ZFR2: variants seen among roughly 807,000 people sequenced by gnomAD.
ZFR2 encodes zinc finger RNA-binding protein 2.
A neutral mutation model predicts 105.7 loss-of-function variants in ZFR2; 104 were observed. The ratio of observed to expected loss-of-function variants is 0.98; its 90% confidence interval spans 0.84 to 1.16. ZFR2 has a LOEUF of 1.16. Ranked by LOEUF, ZFR2 falls within the 50% of genes most tolerant of loss-of-function variation. The probability of loss-of-function intolerance (pLI) is 0.00; values close to 1 mark genes in which losing one functional copy is unlikely to be tolerated. For missense variants in ZFR2, 1,425 were observed against 1,355.5 expected, an observed-to-expected ratio of 1.05 and a Z score of -0.80; for synonymous variants, 634 against 597.7, an observed-to-expected ratio of 1.06 and a Z score of -0.89.
chr19:3,826,823 T>C (rs756187047), intron 6 of ZFR2, among the ~76,000 whole-genome samples: 4 of 152,054 alleles, frequency 2.6e-5, no homozygotes, highest in African/African-American at 4.8e-5. Flanking sequence ...GAACACAGCA[T>C]TGGGTCTCAT....
chr19:3,846,042 T>C (rs1325321601), intron 1 of ZFR2, among the ~76,000 whole-genome samples: 24 of 152,248 alleles, frequency 1.6e-4, no homozygotes, highest in Admixed American at 1.5e-3. Flanking sequence ...AATGGCACAA[T>C]CTTGGCTCAC....
Position 3,822,060 on chromosome 19 carries a change from AGCTCCCCCTGCTGG to A in ZFR2, c.1491+7_1491+20del. The A allele has an allele frequency of 1.9e-6, 3 of 1,578,970 alleles. No individual in the cohort carries two copies. The highest frequency in any genetic ancestry group is 2.6e-6 in the Non-Finnish European group (3 of 1,164,204). ...CTAGCACAGCCCGGACGGGTGTCGG[AGCTCCCCCTGCTGG>A]ACGCACCCGGTACTGCAGCCGGTGC... On this transcript the variant is annotated splice_region_variant and intron_variant, in intron 9 of 18. Coordinates refer to ENST00000262961, the MANE Select transcript of ZFR2 (RefSeq NM_015174.2).
chr19:3,837,532 A>G (rs35797554), intron 1 of ZFR2, among the ~76,000 whole-genome samples: 122,416 of 149,508 alleles, frequency 0.82, 50,649 homozygotes, highest in East Asian at 0.98. Flanking sequence ...GATGAACACC[A>G]TGACCGTGAC....
In ZFR2 at chr19:3,823,560, C is replaced by A. The variant is rs563270930; in HGVS notation, c.1214-157G>T. ...CAGGGGGAATGGCCCCGGACAGCAACCTCGCTCTCCCTTTCATGCCTGCGT... is the reference window on the plus strand; with the variant it reads ...CAGGGGGAATGGCCCCGGACAGCAAACTCGCTCTCCCTTTCATGCCTGCGT... On this transcript the variant is annotated intron_variant, in intron 7 of 18. Coordinates refer to ENST00000262961, the MANE Select transcript of ZFR2 (RefSeq NM_015174.2). The surrounding 1 kb of genome is among the most constrained non-coding windows in gnomAD (Gnocchi z 5.4). 6.6e-6 allele frequency among the ~76,000 whole-genome samples: 1 copy of A among 152,318 alleles called. No individual in the cohort carries two copies. The highest frequency in any genetic ancestry group is 1.5e-5 in the Non-Finnish European group (1 of 68,032).
intron 1 of ZFR2, among the ~76,000 whole-genome samples, chr19:3,861,580 C>G (rs1394002829): frequency 6.6e-6 from 1 of 152,060 alleles, no homozygotes; most frequent in Non-Finnish European, 1.5e-5. Context: ...AAGTTATGAC[C>G]ACACCACTGT....
rs1187670831 is a variant in ZFR2 at position 3,813,565 on chromosome 19, C to T, written c.2242+255G>A. Among the ~76,000 whole-genome samples, 3 of 152,324 alleles carry T rather than the reference C, an allele frequency of 2.0e-5. No homozygotes were observed. Among genetic ancestry groups the T allele is most frequent in the Non-Finnish European group, 4.4e-5 (3 of 68,034 alleles). On this transcript the variant is annotated intron_variant, in intron 14 of 18. Transcript: ENST00000262961. The surrounding 1 kb of genome is among the most constrained non-coding windows in gnomAD (Gnocchi z 4.4). ...AAGGGCAAGGGAGGTGACACGGTGT[C>T]GCTTGCCCGAGCAAGGCCCCTGCAG...
chr19:3,868,954 G>A lies in ZFR2; in HGVS notation c.53+11C>T, dbSNP rs1216230327. ...CGGGACTGGCGGGGGCTGGCGCGGC[G>A]GGGCAGTTACCTGTACTGCGGGCCG... On this transcript the variant is annotated intron_variant, in intron 1 of 18. Coordinates refer to ENST00000262961, the MANE Select transcript of ZFR2 (RefSeq NM_015174.2). 1.5e-6 allele frequency: 2 copies of A among 1,302,078 alleles called. No individual in the cohort carries two copies. Among genetic ancestry groups the A allele is most frequent in the Non-Finnish European group, 2.0e-6 (2 of 1,017,048 alleles). The allele number at this position is 1,302,078 out of a possible 1,614,324, so 80.7% of individuals were successfully genotyped here.
chr19:3,827,409 C>A (rs1377500731), intron 6 of ZFR2, 62 bp downstream of exon 6: 1 of 1,445,850 alleles, frequency 6.9e-7, no homozygotes, highest in Non-Finnish European at 9.1e-7. Flanking sequence ...CTGTGGGTCC[C>A]AAGTGCTGAC....
Position 3,813,755 on chromosome 19 carries a change from G to C in ZFR2, c.2242+65C>G. On this transcript the variant is annotated intron_variant, in intron 14 of 18. Coordinates refer to ENST00000262961, the MANE Select transcript of ZFR2 (RefSeq NM_015174.2). This position sits in a 1 kb window ranked among gnomAD's most constrained non-coding sequence, Gnocchi z 4.4. ...AGAGGCGGACGCTGCCCCAGGCCTG[G>C]GTGTGGGGAGCGCCCTGGGGAAGCG... 6.3e-7 allele frequency: 1 copy of C among 1,594,806 alleles called. No individual in the cohort carries two copies. Among genetic ancestry groups the C allele is most frequent in the African/African-American group, 1.3e-5 (1 of 74,752 alleles).
At chr19:3,827,688 G>A in intron 5 of ZFR2, 35 bp from the exon 6 acceptor site, 1 of 1,557,930 alleles carries the variant, frequency 6.4e-7, no homozygotes, top group Non-Finnish European at 8.7e-7. Flanking sequence ...CTGGGCGGGG[G>A]TTTGCACACT....
chr19:3,845,174 T>C (rs879068099), intron 1 of ZFR2, among the ~76,000 whole-genome samples: 4 of 152,196 alleles, frequency 2.6e-5, no homozygotes, highest in Admixed American at 2.0e-4. Flanking sequence ...TCCAGTCGGA[T>C]TGGATTAGGG....
intron 7 of ZFR2, among the ~76,000 whole-genome samples, chr19:3,824,214 C>T (rs2037925450): frequency 6.6e-6 from 1 of 152,132 alleles, no homozygotes; most frequent in Non-Finnish European, 1.5e-5. Context: ...CTGGGAGGAT[C>T]GCTTGAGCCC....
chr19:3,837,959 T>C (rs1020200015), intron 1 of ZFR2, among the ~76,000 whole-genome samples: 5 of 151,328 alleles, frequency 3.3e-5, no homozygotes, highest in African/African-American at 1.2e-4. Context: ...ACACTATGAC[T>C]GTGACAATCA....
At position 3,822,109 on chromosome 19, in the gene ZFR2, C is replaced by A. The variant is rs370882239; in HGVS notation, c.1463G>T (p.Arg488Met). The A allele has an allele frequency of 1.1e-5, 18 of 1,608,982 alleles. No individual in the cohort carries two copies. Among genetic ancestry groups the A allele is most frequent in the South Asian group, 3.3e-5 (3 of 89,912 alleles). Residue 488 changes from arginine (R) to methionine (M), a missense_variant, in exon 9 of 19, where the codon AGG (arginine) becomes ATG (methionine). Transcript: ENST00000262961. ...NDLNAKDLHV[R>M]GRRHRLQYRK... The stretch of plus-strand genomic sequence containing the variant: ...GTACTGCAGCCGGTGCCGCCGCCCC[C>A]TCACGTGCAGGTCCTTCGCGTTAAG...
At chr19:3,866,656 T>C (rs2038432467) in intron 1 of ZFR2, among the ~76,000 whole-genome samples, 1 of 152,088 alleles carries the variant, frequency 6.6e-6, no homozygotes, top group African/African-American at 2.4e-5. Flanking sequence ...CCACGTCTGA[T>C]GGAAGAATAC....
chr19:3,808,041 G>A (rs570678867), intron 17 of ZFR2, among the ~76,000 whole-genome samples: 3 of 146,786 alleles, frequency 2.0e-5, no homozygotes, highest in Admixed American at 1.4e-4. Context: ...ATGTCCTTGT[G>A]TGCCCGTGCG....
At chr19:3,809,974 A>G (rs1166193800) in intron 16 of ZFR2, among the ~76,000 whole-genome samples, 3 of 152,186 alleles carry the variant, frequency 2.0e-5, no homozygotes, top group African/African-American at 7.2e-5. Flanking sequence ...AAAGTAAAAA[A>G]GAGACTTAAT....
chr19:3,822,658 G>C (rs2037908293), intron 8 of ZFR2, among the ~76,000 whole-genome samples: 1 of 152,178 alleles, frequency 6.6e-6, no homozygotes, highest in Non-Finnish European at 1.5e-5. Context: ...TGAGGTTGCA[G>C]TGAGCCATGA....
intron 16 of ZFR2, among the ~76,000 whole-genome samples, chr19:3,809,698 C>T (rs1568416326): frequency 6.6e-6 from 1 of 152,162 alleles, no homozygotes; most frequent in Non-Finnish European, 1.5e-5. Context: ...AATCCCAGCA[C>T]TTTGGGAGGC....
Sources: allele counts gnomAD v4.1 joint callset (sites outside exome capture counted in the v4.1 genomes callset), GRCh38; gene constraint gnomAD v4.1.1; non-coding constraint Gnocchi (gnomAD v3.1); transcripts MANE v1.5; gene names NCBI Gene and HGNC (gene_info 2026-07-23, HGNC 2026-07-21).